Variants in EML1 observed in about 807,000 individuals in gnomAD.
The protein encoded by EML1 is EMAP like 1.
EML1 carries 27 observed loss-of-function variants against 110.4 expected under a neutral mutation model. The observed-to-expected ratio is 0.24, with a 90% CI of 0.18 to 0.34. The LOEUF (loss-of-function observed/expected upper bound fraction) is 0.34, where lower values mean the gene tolerates loss of function less well. Ranked by LOEUF, EML1 falls within the 10% of genes least tolerant of loss-of-function variation. The probability of loss-of-function intolerance (pLI) is 1.00; values close to 1 mark genes in which losing one functional copy is unlikely to be tolerated. For missense variants in EML1, 741 were observed against 1,030.9 expected (o/e 0.72, Z 3.85); for synonymous variants, 344 against 385.8 (o/e 0.89, Z 1.27).
intron 1 of EML1, among the ~76,000 whole-genome samples, chr14:99,818,000 G>A (rs1162644605): frequency 2.6e-5 from 4 of 152,172 alleles, no homozygotes; most frequent in Admixed American, 2.0e-4. Flanking sequence ...AAGAAGATGG[G>A]GGAGGTGTTC....
At chr14:99,850,740 A>G in intron 1 of EML1, 113 bp from the exon 2 acceptor site, 1 of 1,112,216 alleles carries the variant, frequency 9.0e-7, no homozygotes, top group Non-Finnish European at 1.3e-6. Flanking sequence ...TGTAGTCCGT[A>G]AGTGTTACTA....
At chr14:99,798,392 CTTT>C (rs374969316) in intron 1 of EML1, among the ~76,000 whole-genome samples, 1 of 131,028 alleles carries the variant, frequency 7.6e-6, no homozygotes, top group Admixed American at 7.6e-5. Flanking sequence ...AAAGTCTATA[CTTT>C]TTTTTTTTTT....
At chr14:99,792,233 AACTT>A (rs1318019828), upstream of EML1, among the ~76,000 whole-genome samples, 1 of 152,110 alleles carries the variant, frequency 6.6e-6, no homozygotes, top group Non-Finnish European at 1.5e-5. Flanking sequence ...TCCTAATTTT[AACTT>A]ACTCAGTTCT....
At position 99,843,162 on chromosome 14, in the gene EML1, G is replaced by A. The variant is rs1042394704; in HGVS notation, c.68-7691G>A. ...CCAACTACTCGGGAGGCTGAGATAG[G>A]AGGATTGTTTGAGCCCAGGTCAAGG... On this transcript the variant is annotated intron_variant, in intron 1 of 21. Coordinates refer to ENST00000262233, the MANE Select transcript of EML1 (RefSeq NM_004434.3). Among the ~76,000 whole-genome samples the A allele has an allele frequency of 2.4e-4, 37 of 152,278 alleles. No individual in the cohort carries two copies. The East Asian group carries it at 5.4e-3, about 22-fold the overall frequency.
intron 1 of EML1, among the ~76,000 whole-genome samples, chr14:99,814,302 G>C (rs555923607): frequency 3.5e-4 from 54 of 152,244 alleles, no homozygotes; most frequent in Middle Eastern, 3.4e-3. Context: ...ACCAGATCTC[G>C]CTTTGTCACT....
chr14:99,738,246 G>A (rs113414051), intron 1 of EML1, among the ~76,000 whole-genome samples: 141 of 152,338 alleles, frequency 9.3e-4, no homozygotes, highest in African/African-American at 3.3e-3. Context: ...AACGGCGGGG[G>A]AGAGCACACA....
rs142862595 is a variant in EML1, at chr14:99,886,489, A to G, written c.519-4710A>G. Among the ~76,000 whole-genome samples the G allele has an allele frequency of 1.4e-3, 210 of 152,366 alleles. 3 individuals carry two copies. The East Asian group carries it at 0.026, about 19-fold the overall frequency. On this transcript the variant is annotated intron_variant, in intron 4 of 21. Coordinates refer to ENST00000262233, the MANE Select transcript of EML1 (RefSeq NM_004434.3). ...GAGCCAGACCCTGTCTCAAACAAAAAGAAGTCATGTTATTCCAAGAGCCAA... is the reference window on the plus strand; with the variant it reads ...GAGCCAGACCCTGTCTCAAACAAAAGGAAGTCATGTTATTCCAAGAGCCAA...
chr14:99,760,758 C>T (rs554945125), intron 1 of EML1, among the ~76,000 whole-genome samples: 50 of 152,238 alleles, frequency 3.3e-4, no homozygotes, highest in Middle Eastern at 6.8e-3. Flanking sequence ...TTGAGCCAGA[C>T]GGTCCCTCAG....
intron 1 of EML1, among the ~76,000 whole-genome samples, chr14:99,826,599 G>T (rs1187475924): frequency 6.6e-6 from 1 of 152,042 alleles, no homozygotes; most frequent in Non-Finnish European, 1.5e-5. Flanking sequence ...GGCCTGGTGA[G>T]AATGAGCCCC....
intron 1 of EML1, among the ~76,000 whole-genome samples, chr14:99,746,221 A>G (rs193068604): frequency 6.6e-6 from 1 of 152,318 alleles, no homozygotes; most frequent in East Asian, 1.9e-4. Flanking sequence ...TGGGACTGAG[A>G]CAGGTGCGCT....
In EML1 at chr14:99,793,547, A is replaced by AGGGGCGGCCGCGCGGGGCC. The variant is rs1267982862; in HGVS notation, c.67+13_67+31dup. 1 of 1,019,284 alleles carries AGGGGCGGCCGCGCGGGGCC rather than the reference A, an allele frequency of 9.8e-7. No homozygotes were observed. Among genetic ancestry groups the AGGGGCGGCCGCGCGGGGCC allele is most frequent in the African/African-American group, 1.8e-5 (1 of 55,372 alleles). The allele number at this position is 1,019,284 out of a possible 1,614,324, so 63.1% of individuals were successfully genotyped here. On this transcript the variant is annotated splice_donor_region_variant and intron_variant, in intron 1 of 21. Transcript: ENST00000262233. The stretch of plus-strand genomic sequence containing the variant: ...TCGCTGCTCCAGTTCTGCAACGGTG[A>AGGGGCGGCCGCGCGGGGCC]GGGGCGGCCGCGCGGGGCCGGGGCG...
chr14:99,840,350 C>T (rs2139802175), intron 1 of EML1, among the ~76,000 whole-genome samples: 1 of 152,316 alleles, frequency 6.6e-6, no homozygotes, highest in Admixed American at 6.5e-5. Flanking sequence ...GGATGGAGAA[C>T]TCATATGGTG....
intron 3 of EML1, among the ~76,000 whole-genome samples, chr14:99,876,522 C>T (rs1377282110): frequency 6.6e-6 from 1 of 152,196 alleles, no homozygotes; most frequent in Non-Finnish European, 1.5e-5. Context: ...TCTCAGCCCA[C>T]GTCTTTAAAC....
At chr14:99,853,374 G>A (rs763087844) in intron 2 of EML1, among the ~76,000 whole-genome samples, 8 of 151,996 alleles carry the variant, frequency 5.3e-5, no homozygotes, top group Admixed American at 2.0e-4. Flanking sequence ...GGGCGTGCCC[G>A]TGGGAGGGGC....
chr14:99,883,861 C>A (rs1456854274), intron 4 of EML1, among the ~76,000 whole-genome samples: 2 of 152,208 alleles, frequency 1.3e-5, no homozygotes, highest in African/African-American at 4.8e-5. Context: ...CTAATCCACT[C>A]AGACCAGGCC....
At chr14:99,904,013 C>G (rs2140028456) in intron 9 of EML1, among the ~76,000 whole-genome samples, 1 of 152,202 alleles carries the variant, frequency 6.6e-6, no homozygotes, top group African/African-American at 2.4e-5. Context: ...GAACTCCTGA[C>G]CTCAAGTGAT....
At chr14:99,756,389 G>A (rs757996728) in intron 1 of EML1, among the ~76,000 whole-genome samples, 14 of 152,210 alleles carry the variant, frequency 9.2e-5, no homozygotes, top group South Asian at 2.1e-4. Context: ...AGGCCACTCC[G>A]GCCTATTGCT....
intron 3 of EML1, among the ~76,000 whole-genome samples, chr14:99,869,417 C>A (rs2059157521): frequency 6.6e-6 from 1 of 152,158 alleles, no homozygotes; most frequent in Non-Finnish European, 1.5e-5. Flanking sequence ...TGTGTCCTGA[C>A]TCCTCTGCCC....
intron 2 of EML1, among the ~76,000 whole-genome samples, chr14:99,863,571 T>A (rs1595395974): frequency 6.6e-6 from 1 of 152,226 alleles, no homozygotes; most frequent in East Asian, 1.9e-4. Flanking sequence ...TTAGTTTACC[T>A]TTACTCAAAT....
Sources: allele counts gnomAD v4.1 joint callset (sites outside exome capture counted in the v4.1 genomes callset), GRCh38; gene constraint gnomAD v4.1.1; transcripts MANE v1.5; gene names NCBI Gene and HGNC (gene_info 2026-07-23, HGNC 2026-07-21).